The following SOX5 variants were observed in gnomAD, a reference collection of about 807,000 sequenced individuals.
The protein encoded by SOX5 is SRY-box transcription factor 5.
A neutral mutation model predicts 92.0 loss-of-function variants in SOX5; 9 were observed. That is an observed-to-expected ratio of 0.10 (90% CI 0.06 to 0.17). The LOEUF (loss-of-function observed/expected upper bound fraction) is 0.17, where lower values mean the gene tolerates loss of function less well. Among genes scored for constraint, SOX5 ranks in the 10% least tolerant of loss-of-function variants. The pLI, the probability that SOX5 is intolerant of heterozygous loss-of-function variation, is 1.00. For missense variants in SOX5, 642 were observed against 944.5 expected, an observed-to-expected ratio of 0.68 and a Z score of 4.20; for synonymous variants, 344 against 336.3, an observed-to-expected ratio of 1.02 and a Z score of -0.25.
chr12:24,263,677 G>C (rs903048165), intron 3 of SOX5, among the ~76,000 whole-genome samples: 10 of 151,684 alleles, frequency 6.6e-5, no homozygotes, highest in Admixed American at 3.9e-4. Flanking sequence ...TAAAAAAATA[G>C]ATTAAAATCT....
At chr12:23,824,351 A>C (rs1420276677) in intron 3 of SOX5, among the ~76,000 whole-genome samples, 2 of 152,022 alleles carry the variant, frequency 1.3e-5, no homozygotes, top group Non-Finnish European at 2.9e-5. Context: ...TCTGTTTGTT[A>C]GTTTTCCTTC....
At chr12:24,317,419 C>G (rs1211792678) in intron 2 of SOX5, among the ~76,000 whole-genome samples, 1 of 152,024 alleles carries the variant, frequency 6.6e-6, no homozygotes, top group Non-Finnish European at 1.5e-5. Context: ...TTTTCTATAC[C>G]CTTGTCAACA....
At chr12:24,251,181 T>A (rs897471525) in intron 3 of SOX5, among the ~76,000 whole-genome samples, 2 of 152,192 alleles carry the variant, frequency 1.3e-5, no homozygotes, top group Admixed American at 6.5e-5. Context: ...TAAATACAGA[T>A]CTTCATTATT....
chr12:23,850,750 C>T (rs1043483053), intron 2 of SOX5, among the ~76,000 whole-genome samples: 9 of 152,132 alleles, frequency 5.9e-5, no homozygotes, highest in African/African-American at 1.2e-4. Context: ...AATGTCTGCA[C>T]GAAACCCTAA....
chr12:24,386,341 C>T (rs534378403), intron 1 of SOX5, among the ~76,000 whole-genome samples: 2 of 151,976 alleles, frequency 1.3e-5, no homozygotes, highest in Non-Finnish European at 2.9e-5. Context: ...TTTATTAAAC[C>T]CTACTAGGTT....
chr12:23,749,843 G>C (rs997112906), intron 4 of SOX5, among the ~76,000 whole-genome samples: 1 of 151,836 alleles, frequency 6.6e-6, no homozygotes, highest in East Asian at 1.9e-4. Context: ...CCAAAACATG[G>C]CATTTTTCAC....
intron 4 of SOX5, among the ~76,000 whole-genome samples, chr12:24,121,768 C>T (rs1223829173): frequency 1.3e-5 from 2 of 150,182 alleles, no homozygotes; most frequent in African/African-American, 4.9e-5. Context: ...CGCCTGTAGT[C>T]CAAGATGTTT....
chr12:24,481,952 G>A lies in SOX5; in HGVS notation c.-251+80377C>T, dbSNP rs1031019018. Among the ~76,000 whole-genome samples, 7 of 152,286 alleles carry A rather than the reference G, an allele frequency of 4.6e-5. No homozygotes were observed. In the East Asian group the frequency reaches 1.3e-3, roughly 29 times the overall value. The stretch of plus-strand genomic sequence containing the variant: ...TGCATCTGCTTAATGTGATCTGGGA[G>A]AACTCTGATTATTCATAATCATAAT... On this transcript the variant is annotated intron_variant, in intron 1 of 4. Coordinates refer to the SOX5 transcript ENST00000446891.
intron 1 of SOX5, among the ~76,000 whole-genome samples, chr12:24,448,360 G>C (rs1042838681): frequency 2.0e-4 from 30 of 152,052 alleles, no homozygotes; most frequent in Admixed American, 6.6e-5. Flanking sequence ...AAAATGGAGA[G>C]AAAAACTACT....
intron 4 of SOX5, among the ~76,000 whole-genome samples, chr12:24,027,485 G>A (rs538717115): frequency 6.6e-6 from 1 of 152,036 alleles, no homozygotes; most frequent in South Asian, 2.1e-4. Flanking sequence ...TAAATGACTA[G>A]GTACTACTTA....
At chr12:24,139,208 A>C (rs1950355854) in intron 4 of SOX5, among the ~76,000 whole-genome samples, 1 of 152,206 alleles carries the variant, frequency 6.6e-6, no homozygotes, top group Admixed American at 6.5e-5. Flanking sequence ...CCGCATATTA[A>C]ATTAAATCCA....
intron 2 of SOX5, among the ~76,000 whole-genome samples, chr12:24,347,255 T>C (rs1321404437): frequency 6.6e-6 from 1 of 152,212 alleles, no homozygotes; most frequent in African/African-American, 2.4e-5. Flanking sequence ...TATGTTAATC[T>C]AGATATAATT....
intron 3 of SOX5, among the ~76,000 whole-genome samples, chr12:24,258,378 T>A (rs1335624697): frequency 6.6e-6 from 1 of 152,188 alleles, no homozygotes; most frequent in Non-Finnish European, 1.5e-5. Context: ...TTAGACGACA[T>A]CATGCATAAA....
At position 24,353,856 on chromosome 12, in the gene SOX5, G is replaced by A. The variant is rs567312197; in HGVS notation, c.-174+14707C>T. On this transcript the variant is annotated intron_variant, in intron 2 of 4. Transcript: ENST00000446891. ...GGGTTTCACCATGTTGGCCAGTCTGGTCTTGAACTCCTGACCTCGTGATCC... is the reference window on the plus strand; with the variant it reads ...GGGTTTCACCATGTTGGCCAGTCTGATCTTGAACTCCTGACCTCGTGATCC... Among the ~76,000 whole-genome samples the A allele has an allele frequency of 3.9e-5, 6 of 152,032 alleles. No homozygotes were observed. In the South Asian group the frequency reaches 1.2e-3, roughly 32 times the overall value.
chr12:23,962,125 T>C (rs1253478926), intron 4 of SOX5, among the ~76,000 whole-genome samples: 1 of 152,156 alleles, frequency 6.6e-6, no homozygotes, highest in African/African-American at 2.4e-5. Context: ...GTGTGATATT[T>C]TATTTCATGA....
At chr12:23,840,778 T>G (rs1168389492) in intron 3 of SOX5, among the ~76,000 whole-genome samples, 1 of 152,096 alleles carries the variant, frequency 6.6e-6, no homozygotes, top group Non-Finnish European at 1.5e-5. Context: ...GACTTCTATA[T>G]GCAAAACAAA....
intron 1 of SOX5, among the ~76,000 whole-genome samples, chr12:24,453,530 A>C (rs1297066764): frequency 1.3e-5 from 2 of 152,190 alleles, no homozygotes; most frequent in Admixed American, 1.3e-4. Flanking sequence ...TATCTTATAG[A>C]CCAGGAGAGC....
At chr12:24,342,956 T>C (rs1197121122) in intron 2 of SOX5, among the ~76,000 whole-genome samples, 1 of 152,264 alleles carries the variant, frequency 6.6e-6, no homozygotes, top group Non-Finnish European at 1.5e-5. Context: ...TTTCACCAAG[T>C]ATGTCGCTAA....
Position 24,153,063 on chromosome 12 carries a change from G to T in SOX5, c.-2+60280C>A, listed in dbSNP as rs557870339. Among the ~76,000 whole-genome samples, 7 of 152,206 alleles carry T rather than the reference G, an allele frequency of 4.6e-5. No homozygotes were observed. In the East Asian group the frequency reaches 1.4e-3, roughly 30 times the overall value. On this transcript the variant is annotated intron_variant, in intron 4 of 4. Transcript: ENST00000446891. ...AGTGGCTGTTGTCAGCAGATGTCTG[G>T]ACCACTGGGGAAACCATGATGCTTG...
Sources: gnomAD v4.1 joint callset for allele counts (sites outside exome capture counted in the v4.1 genomes callset) on GRCh38, gnomAD v4.1.1 for gene constraint, MANE v1.5 for transcripts, NCBI Gene and HGNC (gene_info 2026-07-23, HGNC 2026-07-21) for gene names.